Variants in SLC12A6 observed in about 807,000 individuals in gnomAD.
The protein encoded by SLC12A6 is K-Cl cotransporter 3.
A neutral mutation model predicts 135.3 loss-of-function variants in SLC12A6; 66 were observed. The ratio of observed to expected loss-of-function variants is 0.49; its 90% CI spans 0.40 to 0.60. The LOEUF (loss-of-function observed/expected upper bound fraction) is 0.60, where lower values mean the gene tolerates loss of function less well. SLC12A6 is among the 20% of genes least tolerant of loss of function. SLC12A6 has a pLI of 0.00. For synonymous variants in SLC12A6, 513 were observed against 508.8 expected (o/e 1.01, Z -0.11); for missense variants, 1,058 against 1,452.3 (o/e 0.73, Z 4.41).
intron 16 of SLC12A6, among the ~76,000 whole-genome samples, chr15:34,242,755 A>G (rs1891728722): frequency 6.6e-6 from 1 of 152,086 alleles, no homozygotes; most frequent in Non-Finnish European, 1.5e-5. Context: ...TTTGGGCCGG[A>G]TGCGGTGGCT....
intron 2 of SLC12A6, among the ~76,000 whole-genome samples, chr15:34,323,999 G>GCACAAT (rs976273681): frequency 6.6e-6 from 1 of 151,440 alleles, no homozygotes; most frequent in African/African-American, 2.4e-5. Flanking sequence ...GTGTAAAATG[G>GCACAAT]CACAATCATT....
intron 13 of SLC12A6, 98 bp from the exon 14 acceptor site, chr15:34,245,965 C>T (rs1891956958): frequency 1.1e-6 from 1 of 892,322 alleles, no homozygotes; most frequent in African/African-American, 1.7e-5. Context: ...CAGAATCTCA[C>T]TCTGTCACCC....
At chr15:34,300,664 G>GT (rs1896182471) in intron 2 of SLC12A6, among the ~76,000 whole-genome samples, 1 of 151,880 alleles carries the variant, frequency 6.6e-6, no homozygotes, top group Non-Finnish European at 1.5e-5. Flanking sequence ...ATGGTGGTGT[G>GT]TGCCTGTAGT....
At chr15:34,328,688 G>C (rs1356107601) in intron 2 of SLC12A6, among the ~76,000 whole-genome samples, 2 of 152,146 alleles carry the variant, frequency 1.3e-5, no homozygotes, top group Non-Finnish European at 2.9e-5. Context: ...AGACCAACCT[G>C]AGCAACATGG....
intron 2 of SLC12A6, among the ~76,000 whole-genome samples, chr15:34,280,239 G>A (rs1894585556): frequency 6.6e-6 from 1 of 152,118 alleles, no homozygotes; most frequent in South Asian, 2.1e-4. Context: ...AGGGCTAGAA[G>A]GTTTTAGTCT....
At chr15:34,329,613 C>G (rs1432349862) in intron 2 of SLC12A6, among the ~76,000 whole-genome samples, 1 of 152,030 alleles carries the variant, frequency 6.6e-6, no homozygotes, top group Non-Finnish European at 1.5e-5. Flanking sequence ...CACCGAAGAT[C>G]AAAGACAAGA....
chr15:34,245,474 T>A (rs983599262), intron 14 of SLC12A6, 71 bp from the exon 15 acceptor site: 4 of 974,934 alleles, frequency 4.1e-6, no homozygotes, highest in Non-Finnish European at 6.7e-6. Flanking sequence ...TAGCCTACAG[T>A]TTTCAGACAT....
rs184417662 is a variant in SLC12A6 at position 34,311,608 on chromosome 15, T to A, written c.271+24802A>T. On this transcript the variant is annotated intron_variant, in intron 2 of 25. Coordinates refer to ENST00000354181, the MANE Select transcript of SLC12A6 (RefSeq NM_001365088.1). ...AAGAATTTATAAGTTGAACATTGGC[T>A]CTGCTACTCACCATGTGGCCTGAGG... Among the ~76,000 whole-genome samples the A allele has an allele frequency of 3.3e-5, 5 of 152,328 alleles. No individual in the cohort carries two copies. In the East Asian group the frequency reaches 9.6e-4, roughly 29 times the overall value.
chr15:34,328,659 G>A (rs1400504647), intron 2 of SLC12A6, among the ~76,000 whole-genome samples: 7 of 152,126 alleles, frequency 4.6e-5, no homozygotes, highest in South Asian at 2.1e-4. Context: ...TGGGCAGATC[G>A]CTTGAGCTCA....
intron 20 of SLC12A6, 118 bp downstream of exon 20, chr15:34,238,846 CT>C: frequency 1.1e-6 from 1 of 913,572 alleles, no homozygotes; most frequent in East Asian, 2.4e-5. Flanking sequence ...TTCAGGTTGC[CT>C]TATAAGACTA....
At chr15:34,242,021 G>C (rs1891676739) in intron 17 of SLC12A6, 81 bp downstream of exon 17, 1 of 1,022,134 alleles carries the variant, frequency 9.8e-7, no homozygotes, top group Non-Finnish European at 1.6e-6. Flanking sequence ...GAGTCCTTAA[G>C]ATATTTTCAC....
chr15:34,246,463 T>C (rs1243752032), intron 13 of SLC12A6, among the ~76,000 whole-genome samples: 1 of 152,218 alleles, frequency 6.6e-6, no homozygotes, highest in Non-Finnish European at 1.5e-5. Context: ...TTCTGTATTC[T>C]TGAAATGTAA....
chr15:34,300,050 GGAAA>G (rs1413661248), intron 2 of SLC12A6, among the ~76,000 whole-genome samples: 1 of 152,112 alleles, frequency 6.6e-6, no homozygotes, highest in Non-Finnish European at 1.5e-5. Context: ...AGAAAGAAAA[GGAAA>G]GAGTGACAGA....
intron 2 of SLC12A6, among the ~76,000 whole-genome samples, chr15:34,319,664 T>C (rs1283595864): frequency 6.6e-6 from 1 of 151,840 alleles, no homozygotes; most frequent in Non-Finnish European, 1.5e-5. Flanking sequence ...CCAGGCGTGG[T>C]GGTTCATGCC....
Position 34,238,294 on chromosome 15 carries a change from A to G in SLC12A6, c.2740T>C (p.Trp914Arg). The G allele has an allele frequency of 6.2e-7, 1 of 1,613,612 alleles. No individual in the cohort carries two copies. The change falls in exon 21 of 26, where the codon TGG becomes CGG. Residue 914 changes from tryptophan (W) to arginine (R), a missense_variant. Physicochemically the swap from Trp to Arg is moderately radical, Grantham distance 101. This residue lies in a region of SLC12A6 where 245 missense variants were observed against 440.8 expected (regional missense o/e 0.56). Coordinates refer to ENST00000354181, the MANE Select transcript of SLC12A6 (RefSeq NM_001365088.1). The part of the protein sequence containing the change: ...EQFSEGNIDV[W>R]WIVHDGGMLM... ...ATCCCCCCATCATGCACAATCCACC[A>G]CACATCAATGTTGCCCTCAGAAAAT...
intron 2 of SLC12A6, among the ~76,000 whole-genome samples, chr15:34,284,293 T>C (rs1294840254): frequency 3.1e-4 from 45 of 143,988 alleles, no homozygotes; most frequent in African/African-American, 1.1e-3. Flanking sequence ...TTTTTTTTTT[T>C]TTTTTTTGAG....
At chr15:34,297,645 A>G (rs1035933129) in intron 2 of SLC12A6, among the ~76,000 whole-genome samples, 1 of 152,166 alleles carries the variant, frequency 6.6e-6, no homozygotes, top group African/African-American at 2.4e-5. Context: ...AACATTGATC[A>G]AGGCAGTGTG....
chr15:34,258,350 AGATGG>A (rs1404693726), intron 5 of SLC12A6, among the ~76,000 whole-genome samples: 1 of 152,244 alleles, frequency 6.6e-6, no homozygotes, highest in East Asian at 1.9e-4. Context: ...TGGCATCAGC[AGATGG>A]GTATGGACAC....
Position 34,251,026 on chromosome 15 carries a change from T to C in SLC12A6, c.1365A>G (p.Gly455=). Residue 455 remains glycine (G), a synonymous_variant, in exon 11 of 26, where the codon GGA becomes GGG. Coordinates refer to ENST00000354181, the MANE Select transcript of SLC12A6 (RefSeq NM_001365088.1). ...ENLWSNYLPK[G]EIIEKPSAKS... ...TGGCTGAAGGCTTTTCGATGATCTCTCCCTTGGGTAGGTAATTACTCCAAA... is the reference window on the plus strand; with the variant it reads ...TGGCTGAAGGCTTTTCGATGATCTCCCCCTTGGGTAGGTAATTACTCCAAA... 1 of 1,611,308 alleles carries C rather than the reference T, an allele frequency of 6.2e-7. No homozygotes were observed. The highest frequency in any genetic ancestry group is 8.5e-7 in the Non-Finnish European group (1 of 1,177,678).
Sources: gnomAD v4.1 joint callset for allele counts (sites outside exome capture counted in the v4.1 genomes callset) on GRCh38, gnomAD v4.1.1 for gene constraint, gnomAD v4.1.1 regional missense constraint, MANE v1.5 for transcripts, NCBI Gene and HGNC (gene_info 2026-07-23, HGNC 2026-07-21) for gene names.